The following PLCB4 variants were observed in gnomAD, a reference collection of about 807,000 sequenced individuals.
PLCB4 encodes phospholipase C beta 4, also known as 1-phosphatidylinositol 4,5-bisphosphate phosphodiesterase beta-4.
In PLCB4, 77 loss-of-function variants were observed where a neutral mutation model predicts 178.8. The observed-to-expected ratio is 0.43, with a 90% CI of 0.36 to 0.52. PLCB4 has a LOEUF of 0.52. Ranked by LOEUF, PLCB4 falls within the 20% of genes least tolerant of loss-of-function variation. The pLI is 0.00. For synonymous variants in PLCB4, 496 were observed against 490.8 expected, an observed-to-expected ratio of 1.01 and a Z score of -0.14; for missense variants, 1,024 against 1,453.4, an observed-to-expected ratio of 0.70 and a Z score of 4.80.
In PLCB4 at chr20:9,421,300, A is replaced by C. The variant is rs975186054; in HGVS notation, c.2158A>C (p.Ile720Leu). The stretch of plus-strand genomic sequence containing the variant: ...GCTCTCGTTCGTGCTGCTACAGGTT[A>C]TATCAGGTCAATTCTTATCAGATAA... ...VIAATCSVQV[I>L]SGQFLSDKKI... The change falls in exon 27 of 40, where the codon ATA (isoleucine) becomes CTA (leucine). Residue 720 changes from isoleucine (I) to leucine (L), a missense_variant. By Grantham distance (5) the Ile-to-Leu change is conservative. Coordinates refer to ENST00000378473, the MANE Select transcript of PLCB4 (RefSeq NM_001377142.1). The C allele has an allele frequency of 3.1e-6, 5 of 1,612,328 alleles. No homozygotes were observed. In the African/African-American group the frequency reaches 5.3e-5, roughly 17 times the overall value.
chr20:9,302,385 G>A (rs755385414), intron 3 of PLCB4, among the ~76,000 whole-genome samples: 8 of 151,980 alleles, frequency 5.3e-5, no homozygotes, highest in Non-Finnish European at 1.0e-4. Context: ...AACAGGATTG[G>A]CTGGGTCAAC....
At chr20:9,212,082 C>T (rs1302132573) in intron 2 of PLCB4, among the ~76,000 whole-genome samples, 1 of 152,172 alleles carries the variant, frequency 6.6e-6, no homozygotes, top group Non-Finnish European at 1.5e-5. Context: ...GACCATGTAA[C>T]TAGTTTTGCC....
intron 32 of PLCB4, among the ~76,000 whole-genome samples, chr20:9,445,070 G>A (rs2042333483): frequency 6.6e-6 from 1 of 152,176 alleles, no homozygotes; most frequent in East Asian, 1.9e-4. Context: ...AATTACAAGA[G>A]CTAGTTGCAA....
chr20:9,386,267 G>GGGGAGA (rs756487307), intron 14 of PLCB4, among the ~76,000 whole-genome samples: 6 of 151,984 alleles, frequency 3.9e-5, no homozygotes, highest in Non-Finnish European at 7.4e-5. Flanking sequence ...GGAGGGGGAG[G>GGGGAGA]GGGAGAGGGA....
intron 32 of PLCB4, among the ~76,000 whole-genome samples, chr20:9,446,265 G>A (rs1261811070): frequency 8.5e-5 from 13 of 152,216 alleles, no homozygotes; most frequent in Non-Finnish European, 1.9e-4. Context: ...CAAGAGTCCA[G>A]AATCCATAGT....
rs1291309576 is a variant in PLCB4, at chr20:9,479,738, T to C, written c.*729T>C. ...AATTCACACCATAAAGATTGTGAAG[T>C]GGTTATTGGCAAACGTTTGTAAATG... On this transcript the variant is annotated 3_prime_UTR_variant, in exon 40 of 40. Transcript: ENST00000378473. The C allele has an allele frequency of 6.5e-6, 1 of 152,698 alleles. No individual in the cohort carries two copies. Among genetic ancestry groups the C allele is most frequent in the African/African-American group, 2.4e-5 (1 of 41,472 alleles). The allele number at this position is 152,698 out of a possible 1,614,324, so 9.5% of individuals were successfully genotyped here.
chr20:9,407,992 C>T lies in PLCB4; in HGVS notation c.1723C>T (p.Pro575Ser). ...TGTAGGTGCTACCACTAATATCCAT[C>T]CATATTTGTCCACAATGATCAACTA... ...KYVGATTNIHPYLSTMINYAQ... is the reference protein window; with the variant it reads ...KYVGATTNIHSYLSTMINYAQ... The change falls in exon 22 of 40, where the codon CCA becomes TCA. Residue 575 changes from proline (P) to serine (S), a missense_variant. Pro to Ser is a moderately conservative substitution (Grantham distance 74). Coordinates refer to ENST00000378473, the MANE Select transcript of PLCB4 (RefSeq NM_001377142.1). 1 of 1,611,410 alleles carries T rather than the reference C, an allele frequency of 6.2e-7. No individual in the cohort carries two copies.
intron 28 of PLCB4, among the ~76,000 whole-genome samples, chr20:9,424,890 T>G (rs1445657845): frequency 2.6e-5 from 4 of 152,204 alleles, no homozygotes; most frequent in Admixed American, 2.6e-4. Flanking sequence ...TTTTGCTGTT[T>G]GTTTTTAGTA....
At chr20:9,090,362 A>G (rs1192410503) in intron 1 of PLCB4, among the ~76,000 whole-genome samples, 1 of 152,104 alleles carries the variant, frequency 6.6e-6, no homozygotes, top group African/African-American at 2.4e-5. Context: ...ACATCCTTTT[A>G]AATCATATTT....
intron 32 of PLCB4, among the ~76,000 whole-genome samples, chr20:9,451,178 A>G (rs968280684): frequency 2.0e-5 from 3 of 152,214 alleles, no homozygotes; most frequent in African/African-American, 7.2e-5. Context: ...CTTGTAGAGC[A>G]TATTACATAG....
chr20:9,342,205 C>T (rs979248383), intron 7 of PLCB4, among the ~76,000 whole-genome samples: 2 of 152,014 alleles, frequency 1.3e-5, no homozygotes, highest in African/African-American at 4.8e-5. Context: ...GTTTCTATTC[C>T]TAATAGAACA....
chr20:9,367,921 T>A (rs1241388801), intron 9 of PLCB4, among the ~76,000 whole-genome samples: 4 of 152,198 alleles, frequency 2.6e-5, no homozygotes, highest in Non-Finnish European at 5.9e-5. Flanking sequence ...AACAGGTGTT[T>A]GACACAAGAC....
intron 6 of PLCB4, among the ~76,000 whole-genome samples, 196 bp from the exon 7 acceptor site, chr20:9,338,698 T>C (rs1475261982): frequency 1.3e-5 from 2 of 152,164 alleles, no homozygotes; most frequent in Admixed American, 6.5e-5. Flanking sequence ...AAAAAATTTG[T>C]AATACCTTTC....
intron 2 of PLCB4, among the ~76,000 whole-genome samples, chr20:9,214,056 G>A (rs570102404): frequency 6.6e-6 from 1 of 152,076 alleles, no homozygotes; most frequent in Admixed American, 6.6e-5. Flanking sequence ...TTCCTGTTCT[G>A]TGGGTTCTCT....
chr20:9,312,328 A>G (rs532654381), intron 4 of PLCB4, among the ~76,000 whole-genome samples: 1 of 149,492 alleles, frequency 6.7e-6, no homozygotes, highest in East Asian at 2.0e-4. Flanking sequence ...CTTGGTCTTT[A>G]TACTAGCCTC....
At position 9,354,423 on chromosome 20, in the gene PLCB4, C is replaced by T. The variant is rs1324676216; in HGVS notation, c.370-8473C>T. Among the ~76,000 whole-genome samples the T allele has an allele frequency of 2.6e-5, 4 of 152,308 alleles. No individual in the cohort carries two copies. The East Asian group carries it at 7.7e-4, about 29-fold the overall frequency. On this transcript the variant is annotated intron_variant, in intron 7 of 39. Coordinates refer to ENST00000378473, the MANE Select transcript of PLCB4 (RefSeq NM_001377142.1). ...AGTTAATTTTCTCTCTCATTAGCAC[C>T]AGGTGCTCTGATACTAGCCTCCTGG...
intron 3 of PLCB4, among the ~76,000 whole-genome samples, chr20:9,226,832 A>T (rs1430303095): frequency 6.6e-6 from 1 of 152,008 alleles, no homozygotes; most frequent in Non-Finnish European, 1.5e-5. Flanking sequence ...TCATTTTGGG[A>T]CCCTTTTCCT....
intron 30 of PLCB4, among the ~76,000 whole-genome samples, chr20:9,439,918 T>C (rs1296097389): frequency 6.6e-6 from 1 of 152,260 alleles, no homozygotes; most frequent in African/African-American, 2.4e-5. Flanking sequence ...GCATCTATTA[T>C]AGCTCATGAG....
At chr20:9,092,027 A>G (rs2090707472) in intron 1 of PLCB4, among the ~76,000 whole-genome samples, 1 of 152,104 alleles carries the variant, frequency 6.6e-6, no homozygotes, top group Admixed American at 6.6e-5. Flanking sequence ...CAGAAGGTGC[A>G]TTTCTGAGGC....
Sources: allele counts gnomAD v4.1 joint callset (sites outside exome capture counted in the v4.1 genomes callset), GRCh38; gene constraint gnomAD v4.1.1; transcripts MANE v1.5; gene names NCBI Gene and HGNC (gene_info 2026-07-23, HGNC 2026-07-21).